Variants in PRPF6 observed in about 807,000 individuals in gnomAD.
PRPF6 encodes the protein pre-mRNA-processing factor 6.
In PRPF6, 42 loss-of-function variants were observed where a neutral mutation model predicts 118.3. The observed-to-expected ratio is 0.35, with a 90% confidence interval of 0.28 to 0.46. The LOEUF is 0.46. Among genes scored for constraint, PRPF6 ranks in the 20% least tolerant of loss-of-function variants. The pLI, the probability that PRPF6 is intolerant of heterozygous loss-of-function variation, is 1.00. For missense variants in PRPF6, 662 were observed against 1,255.7 expected, an observed-to-expected ratio of 0.53 and a Z score of 7.15; for synonymous variants, 481 against 485.1, an observed-to-expected ratio of 0.99 and a Z score of 0.11.
Position 63,981,137 on chromosome 20 carries a change from C to A in PRPF6, c.-109C>A. The A allele has an allele frequency of 8.3e-7, 1 of 1,208,966 alleles. No homozygotes were observed. The highest frequency in any genetic ancestry group is 1.2e-6 in the Non-Finnish European group (1 of 837,064). 74.9% of individuals were successfully genotyped at this position (1,208,966 alleles called of 1,614,324 possible). On this transcript the variant is annotated 5_prime_UTR_variant, in exon 1 of 21. Coordinates refer to ENST00000266079, the MANE Select transcript of PRPF6 (RefSeq NM_012469.4). ...CGGGGCGCGGGTGACGCGACGACGG[C>A]GACACTTTGCTACGGAGTGCATCGG...
rs556209979 is a variant in PRPF6, at chr20:64,029,840, G to A, written c.2546+349G>A. Among the ~76,000 whole-genome samples, 31 of 147,000 alleles carry A rather than the reference G, an allele frequency of 2.1e-4. No individual in the cohort carries two copies. Among genetic ancestry groups the A allele is most frequent in the Middle Eastern group, 3.6e-3 (1 of 278 alleles). On this transcript the variant is annotated intron_variant, in intron 19 of 20. Coordinates refer to ENST00000266079, the MANE Select transcript of PRPF6 (RefSeq NM_012469.4). The surrounding 1 kb of genome is among the most constrained non-coding windows in gnomAD (Gnocchi z 4.8). Reference sequence around the variant, plus strand: ...TGTGATTCACACTGGTGCTCTGGTCGCCGGGTCAGAGACTCACTGGGGACG... The same window carrying A: ...TGTGATTCACACTGGTGCTCTGGTCACCGGGTCAGAGACTCACTGGGGACG...
intron 6 of PRPF6, among the ~76,000 whole-genome samples, chr20:63,998,279 G>T (rs982146117): frequency 4.6e-5 from 7 of 151,442 alleles, no homozygotes; most frequent in African/African-American, 7.3e-5. Flanking sequence ...ATTTTTAGTA[G>T]ACACGGGGTT....
In PRPF6 at chr20:64,026,997, G is replaced by T. The variant is rs2059294113; in HGVS notation, c.2044G>T (p.Val682Leu). Residue 682 changes from valine (V) to leucine (L), a missense_variant, in exon 16 of 21, where the codon GTG (valine) becomes TTG (leucine). Val to Leu is a conservative substitution (Grantham distance 32). This residue lies in a region of PRPF6 where 244 missense variants were observed against 383.7 expected (regional missense o/e 0.64). Coordinates refer to ENST00000266079, the MANE Select transcript of PRPF6 (RefSeq NM_012469.4). The surrounding 1 kb of genome is among the most constrained non-coding windows in gnomAD (Gnocchi z 4.4). ...TGCCCCACAGGTGTTCATGAAGTCTGTGAAGCTGGAGTGGGTGCAAGACAA... is the reference window on the plus strand; with the variant it reads ...TGCCCCACAGGTGTTCATGAAGTCTTTGAAGCTGGAGTGGGTGCAAGACAA... Reference protein sequence around the residue: ...APTARVFMKSVKLEWVQDNIR... With the variant: ...APTARVFMKSLKLEWVQDNIR... 6.2e-7 allele frequency: 1 copy of T among 1,613,962 alleles called. No homozygotes were observed. Among genetic ancestry groups the T allele is most frequent in the South Asian group, 1.1e-5 (1 of 91,080 alleles).
intron 11 of PRPF6, among the ~76,000 whole-genome samples, chr20:64,016,215 G>A (rs1569221054): frequency 6.6e-6 from 1 of 151,680 alleles, no homozygotes; most frequent in Non-Finnish European, 1.5e-5. Context: ...TCCGCCTCCC[G>A]GGTTCAAGTG....
chr20:63,982,736 G>T (rs906839824), intron 1 of PRPF6, among the ~76,000 whole-genome samples: 1 of 152,172 alleles, frequency 6.6e-6, no homozygotes, highest in Non-Finnish European at 1.5e-5. Flanking sequence ...CAGAGCAGCT[G>T]TAAGGTGGGC....
intron 9 of PRPF6, among the ~76,000 whole-genome samples, chr20:64,008,084 C>G (rs1380827593): frequency 6.6e-6 from 1 of 152,192 alleles, no homozygotes; most frequent in African/African-American, 2.4e-5. Context: ...CCTGGCCCGG[C>G]CTAATTTCTT....
At chr20:63,999,479 G>T in intron 7 of PRPF6, 124 bp from the exon 8 acceptor site, 1 of 1,344,302 alleles carries the variant, frequency 7.4e-7, no homozygotes, top group South Asian at 1.2e-5. Flanking sequence ...GTTGGTTTTT[G>T]TAACTCAGGA....
intron 9 of PRPF6, among the ~76,000 whole-genome samples, chr20:64,009,961 T>C (rs1443951097): frequency 6.6e-6 from 1 of 152,224 alleles, no homozygotes; most frequent in Non-Finnish European, 1.5e-5. Flanking sequence ...CTGAGTCCTG[T>C]TGATATGACC....
At chr20:64,025,918 G>T (rs200093040) in intron 14 of PRPF6, 21 bp from the exon 15 acceptor site, 1 of 1,613,516 alleles carries the variant, frequency 6.2e-7, no homozygotes, top group African/African-American at 1.3e-5. Flanking sequence ...CCCTCTTGAC[G>T]CTGCTGTACT....
chr20:63,981,425 T>A, intron 1 of PRPF6, 109 bp downstream of exon 1: 1 of 1,105,080 alleles, frequency 9.0e-7, no homozygotes, highest in Non-Finnish European at 1.3e-6. Flanking sequence ...GAAAGACGCT[T>A]GGTGGATCGG....
At chr20:64,002,050 G>A (rs1243268616) in intron 9 of PRPF6, among the ~76,000 whole-genome samples, 1 of 102,886 alleles carries the variant, frequency 9.7e-6, no homozygotes, top group Admixed American at 1.6e-4. Context: ...ATGGAGTCTC[G>A]CCCTGTCGCC....
At chr20:64,017,244 C>T (rs2059242512) in intron 12 of PRPF6, among the ~76,000 whole-genome samples, 1 of 151,260 alleles carries the variant, frequency 6.6e-6, no homozygotes, top group African/African-American at 2.5e-5. Flanking sequence ...CGCCCGGCCT[C>T]CCAGAGTGCT....
At chr20:63,982,117 C>T (rs2059072020) in intron 1 of PRPF6, among the ~76,000 whole-genome samples, 1 of 152,020 alleles carries the variant, frequency 6.6e-6, no homozygotes, top group Non-Finnish European at 1.5e-5. Flanking sequence ...GGGCCTTGAG[C>T]GTCAGGCTAG....
Position 64,026,871 on chromosome 20 carries a change from G to C in PRPF6, c.2029-111G>C. On this transcript the variant is annotated intron_variant, in intron 15 of 20. Coordinates refer to ENST00000266079, the MANE Select transcript of PRPF6 (RefSeq NM_012469.4). The surrounding 1 kb of genome is among the most constrained non-coding windows in gnomAD (Gnocchi z 4.4). ...TGTGTACACAAACAGGCTATGAAAA[G>C]CTTACAAAAGTACACACAGTACTGC... 8.7e-7 allele frequency: 1 copy of C among 1,153,970 alleles called. No homozygotes were observed. The highest frequency in any genetic ancestry group is 1.3e-6 in the Non-Finnish European group (1 of 770,390). 71.5% of individuals were successfully genotyped at this position (1,153,970 alleles called of 1,614,324 possible).
At chr20:64,014,002 A>G (rs558718953) in intron 11 of PRPF6, among the ~76,000 whole-genome samples, 18 of 151,784 alleles carry the variant, frequency 1.2e-4, no homozygotes, top group Non-Finnish European at 1.0e-4. Flanking sequence ...GGTGCAATCA[A>G]TCTTGGCTCT....
Position 64,026,933 on chromosome 20 carries a change from C to A in PRPF6, c.2029-49C>A. On this transcript the variant is annotated intron_variant, in intron 15 of 20. Coordinates refer to ENST00000266079, the MANE Select transcript of PRPF6 (RefSeq NM_012469.4). The surrounding 1 kb of genome is among the most constrained non-coding windows in gnomAD (Gnocchi z 4.4). The stretch of plus-strand genomic sequence containing the variant: ...TTGAGGATGAGTGTACCATGAAGCA[C>A]GTACCCTGGAGCTGATGCCCTGCGT... 6.2e-7 allele frequency: 1 copy of A among 1,604,838 alleles called. No homozygotes were observed. Among genetic ancestry groups the A allele is most frequent in the Non-Finnish European group, 8.5e-7 (1 of 1,172,386 alleles).
chr20:64,021,218 C>T (rs1197729303), intron 12 of PRPF6, among the ~76,000 whole-genome samples: 7 of 151,890 alleles, frequency 4.6e-5, no homozygotes, highest in East Asian at 1.9e-4. Context: ...GCATATGGCT[C>T]GGCCACAGCC....
intron 6 of PRPF6, 77 bp from the exon 7 acceptor site, chr20:63,998,968 G>A: frequency 5.1e-6 from 5 of 982,278 alleles, no homozygotes; most frequent in South Asian, 1.3e-5. Context: ...TTGTGGGAGG[G>A]GCACCAGGGA....
rs534415607 is a variant in PRPF6, at chr20:64,027,802, C to T, written c.2339+66C>T. On this transcript the variant is annotated intron_variant, in intron 17 of 20. Transcript: ENST00000266079. The surrounding 1 kb of genome is among the most constrained non-coding windows in gnomAD (Gnocchi z 6.5). ...TCCCCATCAGGTGGGCCGCCGTCAC[C>T]CAGCTGCTTGTGTGGAGTCACTCGT... 9 of 1,604,444 alleles carry T rather than the reference C, an allele frequency of 5.6e-6. No individual in the cohort carries two copies. Among genetic ancestry groups the T allele is most frequent in the Middle Eastern group, 1.9e-4 (1 of 5,160 alleles).
Sources: gnomAD v4.1 joint callset for allele counts (sites outside exome capture counted in the v4.1 genomes callset) on GRCh38, gnomAD v4.1.1 for gene constraint, gnomAD v4.1.1 regional missense constraint, Gnocchi (gnomAD v3.1) non-coding constraint, MANE v1.5 for transcripts, NCBI Gene and HGNC (gene_info 2026-07-23, HGNC 2026-07-21) for gene names.